CDH18: variants seen among roughly 807,000 people sequenced by gnomAD.
CDH18 encodes cadherin 18.
CDH18 carries 31 observed loss-of-function variants against 67.9 expected under a neutral mutation model. The observed-to-expected ratio is 0.46, with a 90% CI of 0.34 to 0.62. The LOEUF (loss-of-function observed/expected upper bound fraction) is 0.62. CDH18 is among the 20% of genes least tolerant of loss of function. The pLI is 0.01. For missense variants in CDH18, 890 were observed against 975.5 expected (o/e 0.91, Z 1.17); for synonymous variants, 362 against 347.2 (o/e 1.04, Z -0.48).
chr5:19,507,918 A>G lies in CDH18; in HGVS notation c.1513-4809T>C, dbSNP rs181396582. Among the ~76,000 whole-genome samples the G allele has an allele frequency of 7.3e-3, 1,106 of 152,132 alleles. 9 individuals carry two copies. Among genetic ancestry groups the G allele is most frequent in the Non-Finnish European group, 0.011 (735 of 67,960 alleles). On this transcript the variant is annotated intron_variant, in intron 10 of 12. Coordinates refer to ENST00000382275, the MANE Select transcript of CDH18 (RefSeq NM_004934.5). ...CTTAAAGTATAATTTAAAAAAAAGA[A>G]GAGAGAAACTCCTAGTCTCTACATA...
chr5:19,479,986 T>C (rs1166006035), intron 12 of CDH18, among the ~76,000 whole-genome samples: 1 of 152,218 alleles, frequency 6.6e-6, no homozygotes, highest in Admixed American at 6.5e-5. Flanking sequence ...TAAAATGTTC[T>C]TTCAATAATG....
At chr5:19,541,636 G>A (rs1436015292) in intron 9 of CDH18, among the ~76,000 whole-genome samples, 1 of 152,170 alleles carries the variant, frequency 6.6e-6, no homozygotes, top group African/African-American at 2.4e-5. Context: ...ATGGCGGCAG[G>A]CAAGAGAGAG....
At position 19,840,271 on chromosome 5, in the gene CDH18, T is replaced by C. The variant is rs533644301; in HGVS notation, c.-256-1029A>G. ...GCCTGGGAGACAGAGTGGGACTCCG[T>C]CTCAAAAAAAAAAAAAGAAAAAAAA... On this transcript the variant is annotated intron_variant, in intron 2 of 12. Transcript: ENST00000382275. 1.5e-4 allele frequency among the ~76,000 whole-genome samples: 10 copies of C among 68,768 alleles called. No individual in the cohort carries two copies. In the East Asian group the frequency reaches 3.3e-3, roughly 23 times the overall value. The allele number at this position is 68,768 out of a possible 152,430, so 45.1% of individuals were successfully genotyped here.
chr5:19,982,472 T>C (rs1161639664), intron 1 of CDH18, among the ~76,000 whole-genome samples: 6 of 152,162 alleles, frequency 3.9e-5, no homozygotes, highest in African/African-American at 1.4e-4. Context: ...TAGTAAATTA[T>C]ATTTAATTGC....
chr5:19,690,469 A>C (rs1216039243), intron 5 of CDH18, among the ~76,000 whole-genome samples: 1 of 151,714 alleles, frequency 6.6e-6, no homozygotes, highest in African/African-American at 2.4e-5. Flanking sequence ...AATGAAATGT[A>C]ATAGAGACAA....
chr5:20,344,920 T>C (rs527912959), intron 1 of CDH18, among the ~76,000 whole-genome samples: 2 of 152,296 alleles, frequency 1.3e-5, no homozygotes, highest in Admixed American at 6.5e-5. Context: ...CTTGGTGTCA[T>C]TGCATTTGTT....
intron 3 of CDH18, among the ~76,000 whole-genome samples, chr5:19,792,804 A>G (rs985422644): frequency 1.3e-5 from 2 of 152,290 alleles, no homozygotes; most frequent in Middle Eastern, 3.4e-3. Context: ...ACTGTACATT[A>G]GTGCAGACCA....
At chr5:19,579,668 T>C (rs1742904462) in intron 7 of CDH18, among the ~76,000 whole-genome samples, 1 of 151,860 alleles carries the variant, frequency 6.6e-6, no homozygotes, top group South Asian at 2.1e-4. Context: ...CGGACTTATA[T>C]TTTTTCATTC....
At chr5:20,237,705 T>G (rs1164189996) in intron 2 of CDH18, among the ~76,000 whole-genome samples, 1 of 152,002 alleles carries the variant, frequency 6.6e-6, no homozygotes, top group Non-Finnish European at 1.5e-5. Flanking sequence ...CTGTGTCAGA[T>G]GTAACACGTT....
At chr5:20,171,133 G>A (rs72743044) in intron 2 of CDH18, among the ~76,000 whole-genome samples, 36,641 of 151,676 alleles carry the variant, frequency 0.24, 5,450 homozygotes, top group Middle Eastern at 0.4. Flanking sequence ...GGACATTTGG[G>A]TTGATTCCAT....
chr5:20,082,180 C>T (rs1021247841), intron 2 of CDH18, among the ~76,000 whole-genome samples: 12 of 151,038 alleles, frequency 7.9e-5, no homozygotes, highest in East Asian at 3.9e-4. Context: ...GTTTAAGGTA[C>T]GCTTTTTCCT....
chr5:20,405,539 T>C (rs1338472698), intron 1 of CDH18, among the ~76,000 whole-genome samples: 1 of 152,192 alleles, frequency 6.6e-6, no homozygotes, highest in African/African-American at 2.4e-5. Flanking sequence ...AAGGACTTCA[T>C]GTCTAAAACA....
At chr5:19,496,620 C>G (rs191714799) in intron 11 of CDH18, among the ~76,000 whole-genome samples, 91 of 152,044 alleles carry the variant, frequency 6.0e-4, no homozygotes, top group Non-Finnish European at 9.7e-4. Context: ...CAAGACCAGT[C>G]TGGCCAACAT....
At chr5:19,946,040 C>T (rs570915194) in intron 2 of CDH18, among the ~76,000 whole-genome samples, 1 of 151,940 alleles carries the variant, frequency 6.6e-6, no homozygotes, top group East Asian at 1.9e-4. Flanking sequence ...CCAAAAGATA[C>T]CCACACCAAG....
chr5:20,061,880 T>C (rs1742518623), intron 2 of CDH18, among the ~76,000 whole-genome samples: 1 of 152,092 alleles, frequency 6.6e-6, no homozygotes, highest in South Asian at 2.1e-4. Context: ...ATCTTAGAGA[T>C]CATGTCCTGA....
At chr5:20,465,810 A>C (rs2150231004) in intron 1 of CDH18, among the ~76,000 whole-genome samples, 1 of 152,166 alleles carries the variant, frequency 6.6e-6, no homozygotes, top group South Asian at 2.1e-4. Flanking sequence ...GTTTTGCATT[A>C]ATGTAAATTA....
chr5:20,240,281 A>G (rs1314942106), intron 2 of CDH18, among the ~76,000 whole-genome samples: 2 of 104,242 alleles, frequency 1.9e-5, no homozygotes, highest in African/African-American at 3.2e-5. Flanking sequence ...TACTAAAAAA[A>G]AGTTGGCAAT....
chr5:20,400,364 A>G (rs926665830), intron 1 of CDH18, among the ~76,000 whole-genome samples: 5 of 152,016 alleles, frequency 3.3e-5, no homozygotes, highest in Non-Finnish European at 5.9e-5. Flanking sequence ...TGTAATACCC[A>G]CTACTCAGAA....
At chr5:20,391,225 A>G (rs1024341548) in intron 1 of CDH18, among the ~76,000 whole-genome samples, 1 of 152,110 alleles carries the variant, frequency 6.6e-6, no homozygotes, top group Non-Finnish European at 1.5e-5. Flanking sequence ...AAACACATAT[A>G]TAAACATATA....
Sources: gnomAD v4.1 joint callset for allele counts (sites outside exome capture counted in the v4.1 genomes callset) on GRCh38, gnomAD v4.1.1 for gene constraint, MANE v1.5 for transcripts, NCBI Gene and HGNC (gene_info 2026-07-23, HGNC 2026-07-21) for gene names.